The following WNK2 variants were observed in gnomAD, a reference collection of about 807,000 sequenced individuals.
The protein encoded by WNK2 is WNK lysine deficient protein kinase 2.
In WNK2, 67 loss-of-function variants were observed where a neutral mutation model predicts 192.1. That is an observed-to-expected ratio of 0.35 (90% CI 0.29 to 0.43). The LOEUF (loss-of-function observed/expected upper bound fraction) is 0.43. WNK2 is among the 20% of genes least tolerant of loss of function. The pLI is 1.00. For missense variants in WNK2, 2,698 were observed against 3,089.7 expected, an observed-to-expected ratio of 0.87 and a Z score of 3.01; for synonymous variants, 1,439 against 1,393.9, an observed-to-expected ratio of 1.03 and a Z score of -0.72.
At chr9:93,304,435 CA>C (rs1349728102) in intron 26 of WNK2, among the ~76,000 whole-genome samples, 1 of 152,272 alleles carries the variant, frequency 6.6e-6, no homozygotes, top group Non-Finnish European at 1.5e-5. Flanking sequence ...ATGAGGCTGC[CA>C]AGCCCCCGCC....
intron 28 of WNK2, among the ~76,000 whole-genome samples, chr9:93,315,117 C>T (rs1312596230): frequency 6.6e-6 from 1 of 152,114 alleles, no homozygotes; most frequent in East Asian, 1.9e-4. Flanking sequence ...AGGACCATAC[C>T]AGGAAAGCCA....
Position 93,292,773 on chromosome 9 carries a change from C to A in WNK2, c.5308C>A (p.Pro1770Thr). Reference sequence around the variant, plus strand: ...CCCCCACAGCCTGAGATACTCTGCCCCACCCGACGTCTACCTGGACGAGGC... The same window carrying A: ...CCCCCACAGCCTGAGATACTCTGCCACACCCGACGTCTACCTGGACGAGGC... Reference protein sequence around the residue: ...ASPHSLRYSAPPDVYLDEAPS... With the variant: ...ASPHSLRYSATPDVYLDEAPS... Residue 1770 changes from proline to threonine, a missense_variant, in exon 23 of 30, where the codon CCA (proline) becomes ACA (threonine). Pro to Thr is a conservative substitution (Grantham distance 38, BLOSUM62 -1). Coordinates refer to ENST00000427277, the MANE Select transcript of WNK2 (RefSeq NM_006648.4). 1 of 1,559,886 alleles carries A rather than the reference C, an allele frequency of 6.4e-7. No homozygotes were observed. Among genetic ancestry groups the A allele is most frequent in the Non-Finnish European group, 8.7e-7 (1 of 1,153,460 alleles).
chr9:93,234,666 C>G, intron 4 of WNK2, 142 bp from the exon 5 acceptor site: 2 of 996,336 alleles, frequency 2.0e-6, no homozygotes, highest in Non-Finnish European at 2.9e-6. Context: ...AGGGCTGGCC[C>G]TGGGGTCCAG....
chr9:93,185,715 C>T (rs1487201521), intron 2 of WNK2, 105 bp downstream of exon 2: 4 of 1,336,550 alleles, frequency 3.0e-6, no homozygotes, highest in African/African-American at 2.9e-5. Context: ...GCCCTGGGGG[C>T]GGCGGGGCTC....
chr9:93,291,052 C>T (rs1849267997), intron 21 of WNK2, among the ~76,000 whole-genome samples: 1 of 152,194 alleles, frequency 6.6e-6, no homozygotes, highest in African/African-American at 2.4e-5. Flanking sequence ...AGACGCCAGA[C>T]TTTAAGAGGG....
At chr9:93,258,742 C>G (rs973021880) in intron 11 of WNK2, among the ~76,000 whole-genome samples, 189 bp from the exon 12 acceptor site, 1 of 152,086 alleles carries the variant, frequency 6.6e-6, no homozygotes, top group African/African-American at 2.4e-5. Context: ...GAGATTTCTG[C>G]ACCTGTTGGG....
At chr9:93,294,367 C>T (rs995200443) in intron 23 of WNK2, among the ~76,000 whole-genome samples, 2 of 152,174 alleles carry the variant, frequency 1.3e-5, no homozygotes, top group Non-Finnish European at 2.9e-5. Flanking sequence ...GTCTTAGAGG[C>T]CTCCAGGAAG....
chr9:93,263,379 G>A (rs1017523534), intron 14 of WNK2, 187 bp from the exon 15 acceptor site: 2 of 685,780 alleles, frequency 2.9e-6, no homozygotes, highest in Non-Finnish European at 4.9e-6. Flanking sequence ...TGCCACTTGG[G>A]TGCAGCAGGG....
chr9:93,314,036 T>A (rs7044229), intron 28 of WNK2, among the ~76,000 whole-genome samples: 1 of 151,518 alleles, frequency 6.6e-6, no homozygotes, highest in Non-Finnish European at 1.5e-5. Context: ...TTTGGGAGGC[T>A]GAGGCGGGTG....
chr9:93,317,920 C>T (rs777966056), intron 29 of WNK2: 28 of 1,599,790 alleles, frequency 1.8e-5, no homozygotes, highest in Non-Finnish European at 2.1e-5. Context: ...GTTTGGCCTC[C>T]GAGTCCCCCC....
At chr9:93,311,976 G>T (rs1229462162) in intron 28 of WNK2, among the ~76,000 whole-genome samples, 1 of 152,158 alleles carries the variant, frequency 6.6e-6, no homozygotes, top group East Asian at 1.9e-4. Flanking sequence ...GTGTGAAGTG[G>T]TATCCTGTGG....
At chr9:93,231,549 G>A (rs1838807280) in intron 4 of WNK2, among the ~76,000 whole-genome samples, 1 of 152,234 alleles carries the variant, frequency 6.6e-6, no homozygotes, top group African/African-American at 2.4e-5. Flanking sequence ...GAACTTGGGA[G>A]GTTTGTGGCC....
chr9:93,301,629 T>G (rs1230938390), intron 26 of WNK2, among the ~76,000 whole-genome samples: 1 of 152,102 alleles, frequency 6.6e-6, no homozygotes, highest in Non-Finnish European at 1.5e-5. Context: ...CAGCCGGCTG[T>G]GGTTCCTTCT....
At position 93,229,709 on chromosome 9, in the gene WNK2, C is replaced by G; in HGVS notation, c.695C>G (p.Thr232Ser). 1.9e-6 allele frequency: 3 copies of G among 1,613,192 alleles called. No individual in the cohort carries two copies. Among genetic ancestry groups the G allele is most frequent in the Non-Finnish European group, 2.5e-6 (3 of 1,179,558 alleles). Residue 232 changes from threonine to serine, a missense_variant, in exon 3 of 30, where the codon ACC becomes AGC. Thr to Ser is a moderately conservative substitution (Grantham distance 58). Around this residue, in one of 7 missense-constraint regions of WNK2, gnomAD observed 230 missense variants for 501.1 expected, o/e 0.46. Coordinates refer to ENST00000427277, the MANE Select transcript of WNK2 (RefSeq NM_006648.4). The surrounding 1 kb of genome is among the most constrained non-coding windows in gnomAD (Gnocchi z 4.9). ...AWCELQDRKL[T>S]KLERQRFKEE... ...CTTGCCCTGTAGGACCGGAAGCTCA[C>G]CAAGCTGGAGCGGCAGCGGTTCAAG...
chr9:93,208,952 G>A (rs1175338281), intron 2 of WNK2, among the ~76,000 whole-genome samples: 1 of 152,146 alleles, frequency 6.6e-6, no homozygotes, highest in African/African-American at 2.4e-5. Context: ...CTCTGATGGT[G>A]CCTTGGTGAC....
intron 28 of WNK2, chr9:93,316,421 G>T (rs569884517): frequency 1.3e-5 from 2 of 152,098 alleles, no homozygotes; most frequent in Non-Finnish European, 2.9e-5. Context: ...TGTAGTGTCC[G>T]TTTACTGGCA....
In WNK2 at chr9:93,229,798, G is replaced by C; in HGVS notation, c.784G>C (p.Glu262Gln). The C allele has an allele frequency of 1.9e-6, 3 of 1,613,970 alleles. No homozygotes were observed. Among genetic ancestry groups the C allele is most frequent in the Non-Finnish European group, 2.5e-6 (3 of 1,179,878 alleles). The change falls in exon 3 of 30, where the codon GAG becomes CAG. Residue 262 changes from glutamate to glutamine, a missense_variant. Physicochemically the swap from Glu to Gln is conservative, Grantham distance 29. This residue lies in a region of WNK2 where 230 missense variants were observed against 501.1 expected (regional missense o/e 0.46). Coordinates refer to ENST00000427277, the MANE Select transcript of WNK2 (RefSeq NM_006648.4). The surrounding 1 kb of genome is among the most constrained non-coding windows in gnomAD (Gnocchi z 4.9). ...CATCGTGCGCTTCTACGACTTCTGG[G>C]AGTCCAGCGCCAAGGGCAAGCGGTG... is the stretch of plus-strand genomic sequence containing the variant. Reference protein sequence around the residue: ...PNIVRFYDFWESSAKGKRCIV... With the variant: ...PNIVRFYDFWQSSAKGKRCIV...
rs113594085 is a variant in WNK2 at position 93,269,211 on chromosome 9, T to TGTGCAC, written c.4033+465_4033+466insGTGCAC. ...ACAGACATTTATCACTGTGCATTGA[T>TGTGCAC]CTGCACCTGCACCTGCCTGTACAGA... On this transcript the variant is annotated intron_variant, in intron 19 of 29. Transcript: ENST00000427277. Among the ~76,000 whole-genome samples, 6 of 150,846 alleles carry TGTGCAC rather than the reference T, an allele frequency of 4.0e-5. No individual in the cohort carries two copies. In the South Asian group the frequency reaches 1.3e-3, roughly 32 times the overall value.
At chr9:93,231,892 A>C (rs1398946163) in intron 4 of WNK2, among the ~76,000 whole-genome samples, 1 of 152,176 alleles carries the variant, frequency 6.6e-6, no homozygotes, top group Admixed American at 6.5e-5. Context: ...GTGGGTGTGA[A>C]GTGTCCACTG....
Sources: allele counts gnomAD v4.1 joint callset (sites outside exome capture counted in the v4.1 genomes callset), GRCh38; gene constraint gnomAD v4.1.1; regional missense constraint gnomAD v4.1.1; non-coding constraint Gnocchi (gnomAD v3.1); transcripts MANE v1.5; gene names NCBI Gene and HGNC (gene_info 2026-07-23, HGNC 2026-07-21).